Variants in APBB1IP observed in about 807,000 individuals in gnomAD.
The protein encoded by APBB1IP is amyloid beta precursor protein binding family B member 1 interacting protein.
A neutral mutation model predicts 64.9 loss-of-function variants in APBB1IP; 27 were observed. The observed-to-expected ratio is 0.42, with a 90% CI of 0.31 to 0.57. APBB1IP has a LOEUF of 0.57. APBB1IP is among the 20% of genes least tolerant of loss of function. The pLI is 0.20. For synonymous variants in APBB1IP, 392 were observed against 331.0 expected, an observed-to-expected ratio of 1.18 and a Z score of -2.00; for missense variants, 812 against 845.5, an observed-to-expected ratio of 0.96 and a Z score of 0.49.
At chr10:26,443,474 AAAAT>A (rs1180784452) in intron 2 of APBB1IP, among the ~76,000 whole-genome samples, 2 of 152,036 alleles carry the variant, frequency 1.3e-5, no homozygotes, top group Non-Finnish European at 2.9e-5. Flanking sequence ...TTATATGAGG[AAAAT>A]AAATAAAGGA....
Position 26,498,491 on chromosome 10 carries a change from A to G in APBB1IP, c.160+2100A>G, listed in dbSNP as rs146608765. 9.7e-3 allele frequency among the ~76,000 whole-genome samples: 1,478 copies of G among 152,320 alleles called. 22 individuals carry two copies. Among genetic ancestry groups the G allele is most frequent in the African/African-American group, 0.034 (1,414 of 41,546 alleles). On this transcript the variant is annotated intron_variant, in intron 4 of 14. Transcript: ENST00000376236. ...GCCACTGCACTTCAGCCTGGATGAC[A>G]GAGCAAGACTCTGTCAAATAAATAA...
Position 26,567,129 on chromosome 10 carries a change from G to A in APBB1IP, c.1642G>A (p.Ala548Thr). The change falls in exon 15 of 15, where the codon GCC (alanine) becomes ACC (threonine). Residue 548 changes from alanine to threonine, a missense_variant. Physicochemically the swap from Ala to Thr is moderately conservative, Grantham distance 58 (BLOSUM62 0). Transcript: ENST00000376236. ...GGGCACAGGCGGCGGGGGCTTGCCCGCCCCACCCGACGACTTCCTGCCGCC... is the reference window on the plus strand; with the variant it reads ...GGGCACAGGCGGCGGGGGCTTGCCCACCCCACCCGACGACTTCCTGCCGCC... ...AKGTGGGGLPAPPDDFLPPPP... is the reference protein window; with the variant it reads ...AKGTGGGGLPTPPDDFLPPPP... 3.5e-6 allele frequency: 5 copies of A among 1,417,616 alleles called. No individual in the cohort carries two copies. Among genetic ancestry groups the A allele is most frequent in the Middle Eastern group, 2.5e-4 (1 of 4,012 alleles). The allele number at this position is 1,417,616 out of a possible 1,614,324, so 87.8% of individuals were successfully genotyped here.
intron 2 of APBB1IP, among the ~76,000 whole-genome samples, chr10:26,451,797 G>A (rs1482323298): frequency 1.3e-5 from 2 of 152,140 alleles, no homozygotes; most frequent in African/African-American, 4.8e-5. Context: ...CATGAAGACA[G>A]GATTGTCCAG....
intron 4 of APBB1IP, among the ~76,000 whole-genome samples, chr10:26,496,779 T>G (rs996428784): frequency 3.3e-5 from 5 of 151,148 alleles, no homozygotes; most frequent in African/African-American, 9.7e-5. Flanking sequence ...GAATAGATAC[T>G]TCATAATATT....
chr10:26,449,240 A>G (rs1422394773), intron 2 of APBB1IP, among the ~76,000 whole-genome samples: 2 of 152,172 alleles, frequency 1.3e-5, no homozygotes, highest in African/African-American at 2.4e-5. Flanking sequence ...CTCCAGGTGC[A>G]TGAAGATGCA....
Position 26,567,654 on chromosome 10 carries a change from G to A in APBB1IP, c.*166G>A. ...ATAACCATTAACCCAGTAGAGTTCA[G>A]AATATCTGCCCAAATGTACATATCG... On this transcript the variant is annotated 3_prime_UTR_variant, in exon 15 of 15. Coordinates refer to ENST00000376236, the MANE Select transcript of APBB1IP (RefSeq NM_019043.4). The A allele has an allele frequency of 3.6e-6, 5 of 1,374,498 alleles. No homozygotes were observed. Among genetic ancestry groups the A allele is most frequent in the Non-Finnish European group, 2.9e-6 (3 of 1,049,798 alleles). The allele number at this position is 1,374,498 out of a possible 1,614,324, so 85.1% of individuals were successfully genotyped here.
intron 11 of APBB1IP, among the ~76,000 whole-genome samples, chr10:26,555,309 T>C (rs1379340308): frequency 6.6e-6 from 1 of 151,900 alleles, no homozygotes; most frequent in East Asian, 1.9e-4. Flanking sequence ...GACTCAAGGG[T>C]CTTTACTCAG....
chr10:26,537,359 G>A (rs1234554640), intron 10 of APBB1IP, among the ~76,000 whole-genome samples: 1 of 152,112 alleles, frequency 6.6e-6, no homozygotes, highest in Non-Finnish European at 1.5e-5. Context: ...GCTACCTCCA[G>A]TAAGGAGACT....
chr10:26,534,448 A>T (rs1836594441), intron 9 of APBB1IP, among the ~76,000 whole-genome samples: 1 of 152,110 alleles, frequency 6.6e-6, no homozygotes, highest in South Asian at 2.1e-4. Flanking sequence ...TGAGTTAGTA[A>T]ATTTCCTGAG....
intron 2 of APBB1IP, among the ~76,000 whole-genome samples, chr10:26,455,514 C>CA (rs11424674): frequency 0.41 from 57,817 of 141,250 alleles, 11,289 homozygotes; most frequent in South Asian, 0.51. Flanking sequence ...GGTGACAGAA[C>CA]AAAAAAAAAA....
chr10:26,501,905 A>C (rs1279690847), intron 5 of APBB1IP: 1 of 152,210 alleles, frequency 6.6e-6, no homozygotes. Context: ...CAAATATTGA[A>C]TATAAATCAA....
intron 5 of APBB1IP, chr10:26,501,403 A>G (rs1375652015): frequency 1.8e-6 from 1 of 544,168 alleles, no homozygotes; most frequent in Admixed American, 3.3e-5. Context: ...GAAATGTTTT[A>G]TTAACATCAT....
chr10:26,556,793 G>T (rs76844789), intron 11 of APBB1IP, among the ~76,000 whole-genome samples: 7,161 of 152,238 alleles, frequency 0.047, 157 homozygotes, highest in South Asian at 0.078. Flanking sequence ...ATGTCTGAGT[G>T]GGGGGTGGGT....
rs76826897 is a variant in APBB1IP, at chr10:26,564,962, G to C, written c.1474-1999G>C. Among the ~76,000 whole-genome samples the C allele has an allele frequency of 7.2e-3, 1,101 of 152,244 alleles. 51 individuals carry two copies. The East Asian group carries it at 0.13, about 17-fold the overall frequency. On this transcript the variant is annotated intron_variant, in intron 14 of 14. Transcript: ENST00000376236. Reference sequence around the variant, plus strand: ...CAAGCTTGTAATCGGCTCCTCCCTAGAAGCCCACAGTCCTGGCAAAATGGA... The same window carrying C: ...CAAGCTTGTAATCGGCTCCTCCCTACAAGCCCACAGTCCTGGCAAAATGGA...
rs143057809 is a variant in APBB1IP at position 26,457,302 on chromosome 10, G to C, written c.-1+18449G>C. 2.0e-5 allele frequency among the ~76,000 whole-genome samples: 3 copies of C among 152,124 alleles called. No homozygotes were observed. In the East Asian group the frequency reaches 5.8e-4, roughly 29 times the overall value. ...AGTTCCCCAATTTCTGGTAACTATC[G>C]CATTTGAATTTTTCTTTTTTAAGAG... is the stretch of plus-strand genomic sequence containing the variant. On this transcript the variant is annotated intron_variant, in intron 2 of 14. Transcript: ENST00000376236.
chr10:26,456,086 G>A (rs1002260681), intron 2 of APBB1IP, among the ~76,000 whole-genome samples: 1 of 152,212 alleles, frequency 6.6e-6, no homozygotes, highest in African/African-American at 2.4e-5. Flanking sequence ...TGATTGCTAA[G>A]GGATGGGGAG....
intron 6 of APBB1IP, among the ~76,000 whole-genome samples, chr10:26,505,174 G>A (rs558034905): frequency 1.3e-5 from 2 of 152,248 alleles, no homozygotes; most frequent in East Asian, 3.9e-4. Flanking sequence ...TATTCCCATG[G>A]CACCTATCAC....
Position 26,477,091 on chromosome 10 carries a change from G to T in APBB1IP, c.1-15236G>T, listed in dbSNP as rs563534643. Among the ~76,000 whole-genome samples, 18 of 152,240 alleles carry T rather than the reference G, an allele frequency of 1.2e-4. No homozygotes were observed. In the South Asian group the frequency reaches 3.7e-3, roughly 32 times the overall value. On this transcript the variant is annotated intron_variant, in intron 2 of 14. Transcript: ENST00000376236. ...TCTGGGATTACAGGTGTGAACCACC[G>T]TACCCAGCCCTACTTTTCTTCCCAG...
At chr10:26,510,240 T>A (rs1484562814) in intron 6 of APBB1IP, among the ~76,000 whole-genome samples, 1 of 152,322 alleles carries the variant, frequency 6.6e-6, no homozygotes, top group Non-Finnish European at 1.5e-5. Flanking sequence ...AGTGCTGGGA[T>A]AACAGGCGTG....
Sources: gnomAD v4.1 joint callset for allele counts (sites outside exome capture counted in the v4.1 genomes callset) on GRCh38, gnomAD v4.1.1 for gene constraint, MANE v1.5 for transcripts, NCBI Gene and HGNC (gene_info 2026-07-23, HGNC 2026-07-21) for gene names.